Variants in AGL observed in about 807,000 individuals in gnomAD.
AGL encodes glycogen debranching enzyme.
In AGL, 128 loss-of-function variants were observed where a neutral mutation model predicts 199.3. That is an observed-to-expected ratio of 0.64 (90% CI 0.56 to 0.74). AGL has a LOEUF of 0.74. AGL is among the 30% of genes least tolerant of loss of function. The pLI is 0.00. For missense variants in AGL, 1,809 were observed against 1,820.8 expected (o/e 0.99, Z 0.12); for synonymous variants, 584 against 594.7 (o/e 0.98, Z 0.26).
chr1:99,912,198 T>A (rs1170975876), intron 28 of AGL, among the ~76,000 whole-genome samples: 2 of 152,176 alleles, frequency 1.3e-5, no homozygotes, highest in Non-Finnish European at 2.9e-5. Context: ...TAGAATTTTT[T>A]AAAATTATGT....
intron 3 of AGL, 92 bp downstream of exon 3, chr1:99,861,805 G>A: frequency 2.1e-6 from 3 of 1,440,368 alleles, no homozygotes; most frequent in East Asian, 2.3e-5. Flanking sequence ...ATGAACCATG[G>A]CAGTGCAATT....
At position 99,861,491 on chromosome 1, in the gene AGL, C is replaced by G. The variant is rs765587352; in HGVS notation, c.83-12C>G. 2 of 1,613,532 alleles carry G rather than the reference C, an allele frequency of 1.2e-6. No homozygotes were observed. Reference sequence around the variant, plus strand: ...CCTACGATGAGTTTATTAACATGTGCTTTTTATTTAGGGTATGAGCTACAG... The same window carrying G: ...CCTACGATGAGTTTATTAACATGTGGTTTTTATTTAGGGTATGAGCTACAG... On this transcript the variant is annotated splice_polypyrimidine_tract_variant and intron_variant, in intron 2 of 33. Transcript: ENST00000361915.
In AGL at chr1:99,912,491, A is replaced by G; in HGVS notation, c.3923A>G (p.Tyr1308Cys). Residue 1308 changes from tyrosine (Y) to cysteine (C), a missense_variant, in exon 29 of 34, where the codon TAT (tyrosine) becomes TGT (cysteine). By Grantham distance (194) the Tyr-to-Cys change is radical (BLOSUM62 -2). Transcript: ENST00000361915. ...TTATCCAAAAAAAATATTTTCCCTTATCATGAAGTCACAGTAAAAAGACAT... is the reference window on the plus strand; with the variant it reads ...TTATCCAAAAAAAATATTTTCCCTTGTCATGAAGTCACAGTAAAAAGACAT... ...LELSKKNIFP[Y>C]HEVTVKRHGK... The G allele has an allele frequency of 3.1e-6, 5 of 1,613,634 alleles. No homozygotes were observed. The highest frequency in any genetic ancestry group is 2.2e-5 in the South Asian group (2 of 91,076).
chr1:99,910,092 T>A (rs1184564650), intron 27 of AGL, among the ~76,000 whole-genome samples: 1 of 152,192 alleles, frequency 6.6e-6, no homozygotes, highest in African/African-American at 2.4e-5. Flanking sequence ...TTTGGAGATT[T>A]ATCTTTTTTA....
chr1:99,854,062 C>T (rs1557739626), intron 2 of AGL, among the ~76,000 whole-genome samples: 2 of 151,892 alleles, frequency 1.3e-5, no homozygotes, highest in African/African-American at 2.4e-5. Flanking sequence ...GGCGTGGTGG[C>T]GCATGCCTAT....
At chr1:99,863,526 C>T (rs1650245358) in intron 4 of AGL, among the ~76,000 whole-genome samples, 1 of 152,078 alleles carries the variant, frequency 6.6e-6, no homozygotes, top group Admixed American at 6.6e-5. Context: ...AATCTCGGCT[C>T]ACTGCAAGCT....
chr1:99,911,367 G>A lies in AGL; in HGVS notation c.3836+520G>A, dbSNP rs1161455157. ...TTAATATTACTATCACCCAAATAAC[G>A]TACTTTGTACCCATTAAGTAATGTC... On this transcript the variant is annotated intron_variant, in intron 28 of 33. Coordinates refer to ENST00000361915, the MANE Select transcript of AGL (RefSeq NM_000642.3). Among the ~76,000 whole-genome samples, 7 of 150,982 alleles carry A rather than the reference G, an allele frequency of 4.6e-5. No homozygotes were observed. The East Asian group carries it at 9.6e-4, about 21-fold the overall frequency.
chr1:99,880,893 A>C (rs1651960927), intron 14 of AGL, 98 bp downstream of exon 14: 1 of 1,426,670 alleles, frequency 7.0e-7, no homozygotes, highest in South Asian at 1.2e-5. Flanking sequence ...ACTTCAAAAT[A>C]GTGTCTTAGA....
chr1:99,866,136 AT>A (rs1650489500), intron 5 of AGL, among the ~76,000 whole-genome samples: 1 of 152,158 alleles, frequency 6.6e-6, no homozygotes, highest in African/African-American at 2.4e-5. Context: ...GTAAAGGAAA[AT>A]TTGACAGTCT....
At position 99,921,817 on chromosome 1, in the gene AGL, C is replaced by A. The variant is rs111977206; in HGVS notation, c.*166C>A. 6 of 467,782 alleles carry A rather than the reference C, an allele frequency of 1.3e-5. No homozygotes were observed. Among genetic ancestry groups the A allele is most frequent in the African/African-American group, 8.0e-5 (4 of 50,310 alleles). The allele number at this position is 467,782 out of a possible 1,614,324, so 29.0% of individuals were successfully genotyped here. ...AAAAGCATTGATTTTTTTTAATGTACAGAGGTAGATTTCAATTTGAATCAG... is the reference window on the plus strand; with the variant it reads ...AAAAGCATTGATTTTTTTTAATGTAAAGAGGTAGATTTCAATTTGAATCAG... On this transcript the variant is annotated 3_prime_UTR_variant, in exon 34 of 34. Transcript: ENST00000361915.
At chr1:99,919,387 G>A (rs1173303440) in intron 33 of AGL, among the ~76,000 whole-genome samples, 1 of 152,072 alleles carries the variant, frequency 6.6e-6, no homozygotes, top group Non-Finnish European at 1.5e-5. Flanking sequence ...GTCCTTCCTT[G>A]CTTTCTGGCC....
chr1:99,877,645 A>G lies in AGL; in HGVS notation c.1428A>G (p.Ser476=), dbSNP rs1253690391. Residue 476 remains serine (S), a synonymous_variant, in exon 12 of 34, where the codon TCA becomes TCG. Coordinates refer to ENST00000361915, the MANE Select transcript of AGL (RefSeq NM_000642.3). Reference sequence around the variant, plus strand: ...AGCAATCTCTTTTCTGAACAGGTTCAGAAGTTTACCTAAGGAGAGAACTTA... The same window carrying G: ...AGCAATCTCTTTTCTGAACAGGTTCGGAAGTTTACCTAAGGAGAGAACTTA... The part of the protein sequence containing the change: ...DPLRNFAEPG[S]EVYLRRELIC... 2 of 1,614,008 alleles carry G rather than the reference A, an allele frequency of 1.2e-6. No individual in the cohort carries two copies. Among genetic ancestry groups the G allele is most frequent in the African/African-American group, 2.7e-5 (2 of 75,068 alleles).
chr1:99,853,899 AAAAT>A lies in AGL; in HGVS notation c.82+2779_82+2782del, dbSNP rs1649187031. On this transcript the variant is annotated intron_variant, in intron 2 of 33. Transcript: ENST00000361915. ...AGTGAGACCCTGTCTTTAAAAAACA[AAAAT>A]AAAGGGCCGGGCGCAGTGGCTCACA... 4.6e-5 allele frequency among the ~76,000 whole-genome samples: 7 copies of A among 151,646 alleles called. No individual in the cohort carries two copies. In the South Asian group the frequency reaches 1.3e-3, roughly 27 times the overall value.
At chr1:99,910,976 C>T in intron 28 of AGL, 129 bp downstream of exon 28, 1 of 901,124 alleles carries the variant, frequency 1.1e-6, no homozygotes, top group Admixed American at 2.1e-5. Context: ...GCCTTCTTCC[C>T]TTCATCTCCC....
At position 99,892,512 on chromosome 1, in the gene AGL, C is replaced by T; in HGVS notation, c.3164C>T (p.Ser1055Phe). 1.2e-6 allele frequency: 2 copies of T among 1,613,578 alleles called. No homozygotes were observed. Among genetic ancestry groups the T allele is most frequent in the Non-Finnish European group, 1.7e-6 (2 of 1,179,660 alleles). Residue 1055 changes from serine to phenylalanine, a missense_variant, in exon 24 of 34, where the codon TCC (serine) becomes TTC (phenylalanine). Transcript: ENST00000361915. ...VQLCGVGKFP[S>F]LPILSPALMD... ...CTGTGTGGAGTAGGAAAATTCCCTT[C>T]CCTGCCAATTCTTTCACCTGCCCTA...
intron 24 of AGL, among the ~76,000 whole-genome samples, chr1:99,895,945 C>T (rs1235999854): frequency 6.6e-6 from 1 of 152,200 alleles, no homozygotes; most frequent in Non-Finnish European, 1.5e-5. Context: ...CACTGCACTC[C>T]AGCCTGGACA....
rs754816668 is a variant in AGL at position 99,881,624 on chromosome 1, T to C, written c.2241T>C (p.Ser747=). ...TCCATCAGTCTGTTGTGGCTGTATCTAGAACTGCTTTCAGGAATCCCAAGA... is the reference window on the plus strand; with the variant it reads ...TCCATCAGTCTGTTGTGGCTGTATCCAGAACTGCTTTCAGGAATCCCAAGA... ...PSIHQSVVAV[S]RTAFRNPKTS... is the part of the protein sequence containing the mutation. The change falls in exon 17 of 34, where the codon TCT becomes TCC. Residue 747 remains serine, a synonymous_variant. Coordinates refer to ENST00000361915, the MANE Select transcript of AGL (RefSeq NM_000642.3). The C allele has an allele frequency of 8.1e-6, 13 of 1,614,036 alleles. No individual in the cohort carries two copies. The highest frequency in any genetic ancestry group is 8.5e-6 in the Non-Finnish European group (10 of 1,179,954).
intron 2 of AGL, among the ~76,000 whole-genome samples, chr1:99,853,010 G>A (rs570725326): frequency 7.9e-5 from 12 of 152,050 alleles, no homozygotes; most frequent in Non-Finnish European, 1.3e-4. Context: ...AGTTCCCAGG[G>A]TAGAAACCTT....
intron 31 of AGL, among the ~76,000 whole-genome samples, chr1:99,915,859 C>A (rs528972852): frequency 1.4e-4 from 21 of 152,104 alleles, no homozygotes; most frequent in African/African-American, 5.1e-4. Context: ...AGAAAAGTAA[C>A]AAATGGAGTA....
Sources: allele counts gnomAD v4.1 joint callset (sites outside exome capture counted in the v4.1 genomes callset), GRCh38; gene constraint gnomAD v4.1.1; transcripts MANE v1.5; gene names NCBI Gene and HGNC (gene_info 2026-07-23, HGNC 2026-07-21).